STXBP2: variants seen among roughly 807,000 people sequenced by gnomAD.
STXBP2 encodes syntaxin binding protein 2.
A neutral mutation model predicts 72.2 loss-of-function variants in STXBP2; 47 were observed. That is an observed-to-expected ratio of 0.65 (90% CI 0.51 to 0.83). The LOEUF (loss-of-function observed/expected upper bound fraction) is 0.83. STXBP2 is among the 40% of genes least tolerant of loss of function. The pLI is 0.00. For synonymous variants in STXBP2, 367 were observed against 338.7 expected (o/e 1.08, Z -0.92); for missense variants, 702 against 807.6 (o/e 0.87, Z 1.58).
At chr19:7,629,846 C>T in the STXBP2 span, 2 of 1,535,512 alleles carry the variant, frequency 1.3e-6, no homozygotes, top group South Asian at 1.2e-5. Flanking sequence ...GGGGGTGAAG[C>T]TGGAGATATT....
chr19:7,631,400 G>A, the STXBP2 span: 49 of 883,522 alleles, frequency 5.5e-5, no homozygotes, highest in Non-Finnish European at 7.2e-5. Flanking sequence ...AGAGGTGGGC[G>A]GGGGGGGGTG....
In STXBP2 at chr19:7,640,732, C is replaced by T. The variant is rs768490233; in HGVS notation, c.248C>T (p.Ser83Leu). The T allele has an allele frequency of 6.8e-6, 11 of 1,614,168 alleles. 1 individual carries two copies. The South Asian group carries it at 7.7e-5, about 11-fold the overall frequency. Reference protein sequence around the residue: ...AIYLLSPTEKSVQALIKDFQG... With the variant: ...AIYLLSPTEKLVQALIKDFQG... ...CAGAGAGTGATCCACCTTCCCCAGT[C>T]GGTTCAGGCCCTGATCAAAGACTTC... The change falls in exon 5 of 19, where the codon TCG becomes TTG. Residue 83 changes from serine (S) to leucine (L), a missense_variant and splice_region_variant. Physicochemically the swap from Ser to Leu is moderately radical, Grantham distance 145. Coordinates refer to ENST00000221283, the MANE Select transcript of STXBP2 (RefSeq NM_006949.4).
chr19:7,629,996 T>A, the STXBP2 span: 1 of 1,132,660 alleles, frequency 8.8e-7, no homozygotes, highest in Non-Finnish European at 1.2e-6. Context: ...GAGGAACCTT[T>A]CTGGTTGGAA....
Position 7,641,868 on chromosome 19 carries a change from C to CCCCCCCCCCCCCCAGGCCCCCCCCCCCAG in STXBP2, c.578+15_578+16insCCCCCCCCCCCCCAGGCCCCCCCCCCCAG. The stretch of plus-strand genomic sequence containing the variant: ...CGCTACCGCAAGTGGGGACCCCACC[C>CCCCCCCCCCCCCCAGGCCCCCCCCCCCAG]AGCCCCACCCCGATGCCGACCCCCC... On this transcript the variant is annotated intron_variant, in intron 7 of 18. Coordinates refer to ENST00000221283, the MANE Select transcript of STXBP2 (RefSeq NM_006949.4). 1 of 1,458,864 alleles carries CCCCCCCCCCCCCCAGGCCCCCCCCCCCAG rather than the reference C, an allele frequency of 6.9e-7. No individual in the cohort carries two copies. Among genetic ancestry groups the CCCCCCCCCCCCCCAGGCCCCCCCCCCCAG allele is most frequent in the Non-Finnish European group, 9.3e-7 (1 of 1,076,982 alleles). The allele number at this position is 1,458,864 out of a possible 1,614,324, so 90.4% of individuals were successfully genotyped here. A position where few individuals can be genotyped will look rare whatever the true frequency, so the allele number is the denominator to read the frequency against.
intron 7 of STXBP2, 43 bp from the exon 8 acceptor site, chr19:7,641,991 C>G (rs200671923): frequency 1.9e-6 from 3 of 1,611,956 alleles, no homozygotes; most frequent in Non-Finnish European, 2.5e-6. Context: ...CATCCTTGAC[C>G]CCATCCCCTG....
the STXBP2 span, chr19:7,631,669 A>C: frequency 6.8e-7 from 1 of 1,462,546 alleles, no homozygotes; most frequent in Non-Finnish European, 9.0e-7. Context: ...GCCGAGTGAG[A>C]CCCAGGATGC....
intron 3 of STXBP2, 144 bp downstream of exon 3, chr19:7,639,244 C>T (rs538745500): frequency 2.5e-5 from 22 of 889,732 alleles, no homozygotes; most frequent in Admixed American, 1.2e-4. Flanking sequence ...ACGGACAGCC[C>T]GGATCATGTG....
At chr19:7,630,201 C>T in the STXBP2 span, 7 of 454,546 alleles carry the variant, frequency 1.5e-5, no homozygotes. Context: ...AGGGAGATTC[C>T]TAGACTTCGA....
the STXBP2 span, chr19:7,630,297 A>G: frequency 1.9e-6 from 1 of 519,820 alleles, no homozygotes; most frequent in East Asian, 3.3e-5. Context: ...TCTCGAGGAG[A>G]TGCTTTTGAT....
upstream of STXBP2, chr19:7,633,056 T>G: frequency 7.2e-7 from 1 of 1,383,788 alleles, no homozygotes. Context: ...CAGTGCCACT[T>G]CACGTGGTAC....
In STXBP2 at chr19:7,642,309, TGGACATAGAGCA is replaced by T. The variant is rs776748784; in HGVS notation, c.776_787del (p.Ile259_Asp262del). The T allele has an allele frequency of 6.2e-7, 1 of 1,614,130 alleles. No individual in the cohort carries two copies. Among genetic ancestry groups the T allele is most frequent in the South Asian group, 1.1e-5 (1 of 91,082 alleles). ...TTCCAGGCCATGGCGTATGATCTGCTGGACATAGAGCAGGACACATACAGGTCTGCAGACTTG... is the reference window on the plus strand; with the variant it reads ...TTCCAGGCCATGGCGTATGATCTGCTGGACACATACAGGTCTGCAGACTTG... On this transcript the variant is annotated inframe_deletion, in exon 9 of 19. Coordinates refer to ENST00000221283, the MANE Select transcript of STXBP2 (RefSeq NM_006949.4). This position sits in a 1 kb window ranked among gnomAD's most constrained non-coding sequence, Gnocchi z 6.0.
chr19:7,637,127 G>T lies in STXBP2; in HGVS notation c.-23G>T. ...CCCACCTTGGGACACACCCGGAAGC[G>T]GCGGCGGCGCCCCTCGGGGAAGATG... On this transcript the variant is annotated 5_prime_UTR_variant, in exon 1 of 19. Transcript: ENST00000221283. The T allele has an allele frequency of 8.1e-7, 1 of 1,240,170 alleles. No individual in the cohort carries two copies. The allele number at this position is 1,240,170 out of a possible 1,614,324, so 76.8% of individuals were successfully genotyped here.
chr19:7,630,776 C>T, the STXBP2 span: 7 of 1,537,146 alleles, frequency 4.6e-6, no homozygotes, highest in South Asian at 7.1e-5. Flanking sequence ...TGATGTGGGG[C>T]TCTGGAGGCC....
At chr19:7,641,119 C>T (rs1473814702) in intron 6 of STXBP2, 116 bp downstream of exon 6, 1 of 1,102,986 alleles carries the variant, frequency 9.1e-7, no homozygotes, top group East Asian at 2.6e-5. Flanking sequence ...AATCCCAGCG[C>T]TGTGGGAGGC....
chr19:7,640,486 ATGTGTGTGTGCATC>A (rs775627015), intron 4 of STXBP2: 75 of 632,526 alleles, frequency 1.2e-4, no homozygotes, highest in Non-Finnish European at 2.0e-4. Context: ...GCATGTGTGT[ATGTGTGTGTGCATC>A]TGTGTGTGTG....
chr19:7,631,610 G>T, the STXBP2 span: 2,463 of 1,473,250 alleles, frequency 1.7e-3, 39 homozygotes, highest in African/African-American at 0.031. Flanking sequence ...CATATACTCA[G>T]TTCCTTGTTA....
Position 7,647,221 on chromosome 19 carries a change from C to G in STXBP2, c.1512C>G (p.Pro504=). Reference sequence around the variant, plus strand: ...GGCCCTTCGTATCCGACCCCGCCCCCACGGCCAGCTCCCAGGCCGCTGTCA... The same window carrying G: ...GGCCCTTCGTATCCGACCCCGCCCCGACGGCCAGCTCCCAGGCCGCTGTCA... ...NLWPFVSDPA[P]TASSQAAVSA... Residue 504 remains proline (P), a synonymous_variant, in exon 17 of 19, where the codon CCC becomes CCG. Transcript: ENST00000221283. 1.2e-6 allele frequency: 2 copies of G among 1,611,782 alleles called. No homozygotes were observed. The highest frequency in any genetic ancestry group is 1.7e-6 in the Non-Finnish European group (2 of 1,179,768).
chr19:7,636,698 G>GGCT (rs886123582), upstream of STXBP2: 11 of 161,212 alleles, frequency 6.8e-5, no homozygotes, highest in African/African-American at 1.9e-4. Context: ...TATCCAAGAC[G>GGCT]GCTGCTGCTG....
At chr19:7,631,938 C>A, upstream of STXBP2, 2 of 951,448 alleles carry the variant, frequency 2.1e-6, no homozygotes, top group Non-Finnish European at 2.9e-6. Flanking sequence ...CTATGTTTAC[C>A]CTCAATATCT....
Sources: gnomAD v4.1 joint callset for allele counts on GRCh38, gnomAD v4.1.1 for gene constraint, Gnocchi (gnomAD v3.1) non-coding constraint, MANE v1.5 for transcripts, NCBI Gene and HGNC (gene_info 2026-07-23, HGNC 2026-07-21) for gene names.